The following CABP1 variants were observed in gnomAD, a reference collection of about 807,000 sequenced individuals.
CABP1 encodes the protein calcium binding protein 1.
A neutral mutation model predicts 34.3 loss-of-function variants in CABP1; 17 were observed. That is an observed-to-expected ratio of 0.50 (90% CI 0.34 to 0.74). CABP1 has a LOEUF of 0.74. CABP1 is among the 30% of genes least tolerant of loss of function. The pLI, the probability that CABP1 is intolerant of heterozygous loss-of-function variation, is 0.01. For missense variants in CABP1, 373 were observed against 511.1 expected, an observed-to-expected ratio of 0.73 and a Z score of 2.61; for synonymous variants, 198 against 229.2, an observed-to-expected ratio of 0.86 and a Z score of 1.23.
intron 1 of CABP1, among the ~76,000 whole-genome samples, chr12:120,657,926 G>A (rs1332631415): frequency 6.6e-6 from 1 of 152,158 alleles, no homozygotes; most frequent in African/African-American, 2.4e-5. Flanking sequence ...CGTGTGCTCT[G>A]CATGTATGTG....
Position 120,641,441 on chromosome 12 carries a change from C to A in CABP1, c.654+102C>A, listed in dbSNP as rs1879317586. 1.7e-6 allele frequency: 2 copies of A among 1,172,210 alleles called. No homozygotes were observed. Among genetic ancestry groups the A allele is most frequent in the African/African-American group, 1.6e-5 (1 of 62,930 alleles). 72.6% of individuals were successfully genotyped at this position (1,172,210 alleles called of 1,614,324 possible). On this transcript the variant is annotated intron_variant, in intron 1 of 5. Transcript: ENST00000316803. The surrounding 1 kb of genome is among the most constrained non-coding windows in gnomAD (Gnocchi z 6.7). ...CCTCCTCCCGCGGCCCGTGGTCCCC[C>A]ACGGATCACGCCTCGGCTCACCTCG...
the CABP1 span, among the ~76,000 whole-genome samples, chr12:120,676,514 G>A: frequency 2.0e-5 from 3 of 151,640 alleles, no homozygotes; most frequent in Non-Finnish European, 2.9e-5. Context: ...CACAACCTCC[G>A]CCTCCCGGGT....
chr12:120,669,998 TTTTTC>T (rs1302913393), downstream of CABP1, among the ~76,000 whole-genome samples: 1 of 152,168 alleles, frequency 6.6e-6, no homozygotes, highest in African/African-American at 2.4e-5. Context: ...GAAACGTTTT[TTTTTC>T]TTTCTTTCTT....
chr12:120,656,218 G>C, intron 1 of CABP1: 1 of 1,594,372 alleles, frequency 6.3e-7, no homozygotes, highest in Non-Finnish European at 8.6e-7. Flanking sequence ...TGCACAACCT[G>C]CTGGGCCCTG....
chr12:120,664,603 G>A (rs550954253), intron 5 of CABP1, among the ~76,000 whole-genome samples: 6 of 152,326 alleles, frequency 3.9e-5, no homozygotes, highest in Admixed American at 6.5e-5. Flanking sequence ...GCCAGGCGCT[G>A]TGGCTCATGC....
chr12:120,654,067 G>A (rs1201729471), intron 1 of CABP1, among the ~76,000 whole-genome samples: 1 of 152,242 alleles, frequency 6.6e-6, no homozygotes, highest in Non-Finnish European at 1.5e-5. Flanking sequence ...CCTCGCTCTA[G>A]TCTAGGTCCC....
intron 1 of CABP1, among the ~76,000 whole-genome samples, chr12:120,648,250 G>A (rs1879640670): frequency 6.6e-6 from 1 of 152,140 alleles, no homozygotes; most frequent in Non-Finnish European, 1.5e-5. Flanking sequence ...CATTCCCAGA[G>A]TTTTTGTGTT....
chr12:120,669,368 G>C (rs1305258959), downstream of CABP1, among the ~76,000 whole-genome samples: 1 of 152,242 alleles, frequency 6.6e-6, no homozygotes, highest in Admixed American at 6.5e-5. Context: ...GCTCCGCCCA[G>C]AGACTCCAGA....
intron 5 of CABP1, among the ~76,000 whole-genome samples, chr12:120,663,627 A>G (rs1880792394): frequency 1.3e-5 from 2 of 152,192 alleles, no homozygotes; most frequent in East Asian, 3.8e-4. Context: ...GTTATAATTT[A>G]CTGTACACTT....
chr12:120,658,377 C>T (rs951084801), intron 1 of CABP1, among the ~76,000 whole-genome samples: 2 of 152,080 alleles, frequency 1.3e-5, no homozygotes, highest in Admixed American at 6.6e-5. Flanking sequence ...GGATTACAGG[C>T]GTGGACCACC....
At chr12:120,659,591 C>T in intron 1 of CABP1, 1 of 376,596 alleles carries the variant, frequency 2.7e-6, no homozygotes, top group South Asian at 5.3e-5. Flanking sequence ...TCCTGCTGAC[C>T]CATTCTTGTA....
chr12:120,660,948 T>G lies in CABP1; in HGVS notation c.939+108T>G. Reference sequence around the variant, plus strand: ...CAAGTCCCAGATCAGGGGAGGGAGCTTGGACAGAGAAAGGTCTCTGGTAAA... The same window carrying G: ...CAAGTCCCAGATCAGGGGAGGGAGCGTGGACAGAGAAAGGTCTCTGGTAAA... On this transcript the variant is annotated intron_variant, in intron 4 of 5. Coordinates refer to ENST00000316803, the MANE Select transcript of CABP1 (RefSeq NM_001033677.2). This position sits in a 1 kb window ranked among gnomAD's most constrained non-coding sequence, Gnocchi z 5.0. The G allele has an allele frequency of 1.4e-6, 2 of 1,403,472 alleles. No individual in the cohort carries two copies. Among genetic ancestry groups the G allele is most frequent in the Non-Finnish European group, 2.0e-6 (2 of 1,004,358 alleles). 86.9% of individuals were successfully genotyped at this position (1,403,472 alleles called of 1,614,324 possible). A position where few individuals can be genotyped will look rare whatever the true frequency, so the allele number is the denominator to read the frequency against.
chr12:120,663,971 CAGAACACAA>C (rs1880809877), intron 5 of CABP1, among the ~76,000 whole-genome samples: 1 of 152,192 alleles, frequency 6.6e-6, no homozygotes, highest in African/African-American at 2.4e-5. Flanking sequence ...CGTGAGTGTC[CAGAACACAA>C]AGGCTGGGAG....
chr12:120,678,303 T>C, the CABP1 span, among the ~76,000 whole-genome samples: 6 of 152,164 alleles, frequency 3.9e-5, no homozygotes, highest in South Asian at 2.1e-4. Flanking sequence ...ACACAACCCT[T>C]TTCAGTTTTA....
chr12:120,648,893 A>G (rs1036878588), intron 1 of CABP1, among the ~76,000 whole-genome samples: 13 of 151,562 alleles, frequency 8.6e-5, no homozygotes, highest in South Asian at 2.1e-4. Context: ...AAAAAAAAAA[A>G]AAGAAGCTGG....
intron 1 of CABP1, chr12:120,655,636 G>A (rs1396228553): frequency 3.6e-6 from 5 of 1,399,698 alleles, no homozygotes; most frequent in Non-Finnish European, 3.7e-6. Flanking sequence ...GTCTGTTTGG[G>A]AGCTGGGAGG....
intron 1 of CABP1, among the ~76,000 whole-genome samples, chr12:120,647,874 G>A (rs543203801): frequency 2.0e-5 from 3 of 151,466 alleles, no homozygotes; most frequent in South Asian, 2.1e-4. Flanking sequence ...GAGCCACCAC[G>A]CCCCGCCCCA....
downstream of CABP1, among the ~76,000 whole-genome samples, chr12:120,670,804 C>T (rs1881227598): frequency 6.6e-6 from 1 of 152,132 alleles, no homozygotes; most frequent in Non-Finnish European, 1.5e-5. Flanking sequence ...CCTGGATTTG[C>T]CTCCTGCTGA....
intron 5 of CABP1, among the ~76,000 whole-genome samples, chr12:120,666,521 G>T (rs560757475): frequency 2.7e-5 from 4 of 150,206 alleles, no homozygotes; most frequent in Non-Finnish European, 4.4e-5. Context: ...GAGAGAGTGC[G>T]CCAGCTGCAC....
Sources: gnomAD v4.1 joint callset for allele counts (sites outside exome capture counted in the v4.1 genomes callset) on GRCh38, gnomAD v4.1.1 for gene constraint, Gnocchi (gnomAD v3.1) non-coding constraint, MANE v1.5 for transcripts, NCBI Gene and HGNC (gene_info 2026-07-23, HGNC 2026-07-21) for gene names.